TMEM71: variants seen among roughly 807,000 people sequenced by gnomAD.
TMEM71 encodes transmembrane protein 71.
Under a neutral mutation model 38.0 loss-of-function variants are expected in TMEM71, and 44 were observed. The observed-to-expected ratio is 1.16, with a 90% CI of 0.91 to 1.49. The LOEUF is 1.49. Among genes scored for constraint, TMEM71 ranks in the 40% most tolerant of loss-of-function variants. The pLI, the probability that TMEM71 is intolerant of heterozygous loss-of-function variation, is 0.00. For synonymous variants in TMEM71, 133 were observed against 122.5 expected, an observed-to-expected ratio of 1.09 and a Z score of -0.56; for missense variants, 367 against 348.6, an observed-to-expected ratio of 1.05 and a Z score of -0.42.
chr8:132,732,906 C>T (rs530561022), intron 5 of TMEM71, among the ~76,000 whole-genome samples: 2 of 152,180 alleles, frequency 1.3e-5, no homozygotes, highest in African/African-American at 4.8e-5. Context: ...TACCTGCCCA[C>T]GATACTGTGA....
chr8:132,758,868 T>C lies in TMEM71; in HGVS notation c.12A>G (p.Ile4Met). MYR[I>M]SQLMSTPVAS... Reference sequence around the variant, plus strand: ...CTACTGGTGTTGACATCAGTTGAGATATTCGGTACATCTTGGGAAGGCCGC... The same window carrying C: ...CTACTGGTGTTGACATCAGTTGAGACATTCGGTACATCTTGGGAAGGCCGC... Residue 4 changes from isoleucine to methionine, a missense_variant, in exon 2 of 10, where the codon ATA becomes ATG. Physicochemically the swap from Ile to Met is conservative, Grantham distance 10. Transcript: ENST00000677595. 2 of 1,613,880 alleles carry C rather than the reference T, an allele frequency of 1.2e-6. No individual in the cohort carries two copies. Among genetic ancestry groups the C allele is most frequent in the Non-Finnish European group, 1.7e-6 (2 of 1,179,840 alleles).
At chr8:132,756,991 A>G (rs1829054559) in intron 3 of TMEM71, among the ~76,000 whole-genome samples, 1 of 151,088 alleles carries the variant, frequency 6.6e-6, no homozygotes, top group African/African-American at 2.4e-5. Flanking sequence ...GATTCACGTC[A>G]TTCTCCCGCC....
intron 1 of TMEM71, chr8:132,759,231 T>A (rs1829195644): frequency 1.0e-5 from 2 of 191,536 alleles, no homozygotes; most frequent in African/African-American, 4.7e-5. Context: ...GAAAGTGAGG[T>A]ATTTGATTAA....
intron 6 of TMEM71, among the ~76,000 whole-genome samples, chr8:132,722,511 A>T (rs2131037793): frequency 6.6e-6 from 1 of 152,380 alleles, no homozygotes; most frequent in East Asian, 1.9e-4. Context: ...GAGCTTGTAT[A>T]CGTTAGTTCA....
At chr8:132,769,892 T>C in the TMEM71 span, among the ~76,000 whole-genome samples, 1 of 152,384 alleles carries the variant, frequency 6.6e-6, no homozygotes, top group East Asian at 1.9e-4. Flanking sequence ...AATAAATGAA[T>C]ATTGCATGCA....
chr8:132,746,882 G>T, intron 5 of TMEM71, 60 bp downstream of exon 5: 2 of 1,425,040 alleles, frequency 1.4e-6, no homozygotes, highest in South Asian at 3.0e-5. Context: ...GAGGACCACA[G>T]GGTTACCACT....
intron 3 of TMEM71, among the ~76,000 whole-genome samples, chr8:132,752,458 G>A (rs1442553450): frequency 1.3e-5 from 2 of 152,130 alleles, no homozygotes; most frequent in African/African-American, 4.8e-5. Flanking sequence ...TTTGGCCTTT[G>A]CAAATTTCCC....
At position 132,710,014 on chromosome 8, in the gene TMEM71, TAA is replaced by T. The variant is rs1194811878; in HGVS notation, c.*951_*952del. ...AAATGTACTAAATGCAAATTATATA[TAA>T]AGTTATATTTTGGCATTATCATTTC... is the stretch of plus-strand genomic sequence containing the variant. On this transcript the variant is annotated 3_prime_UTR_variant, in exon 10 of 10. Coordinates refer to ENST00000677595, the MANE Select transcript of TMEM71 (RefSeq NM_001382403.1). 6.6e-6 allele frequency: 1 copy of T among 152,176 alleles called. No individual in the cohort carries two copies. The highest frequency in any genetic ancestry group is 1.5e-5 in the Non-Finnish European group (1 of 68,036). The allele number at this position is 152,176 out of a possible 1,614,324, so 9.4% of individuals were successfully genotyped here.
chr8:132,725,708 A>G (rs1827106630), intron 6 of TMEM71, among the ~76,000 whole-genome samples: 1 of 152,220 alleles, frequency 6.6e-6, no homozygotes, highest in Non-Finnish European at 1.5e-5. Flanking sequence ...AACAGTTTCT[A>G]TAGTGATATA....
chr8:132,736,163 T>C (rs772775191), intron 5 of TMEM71, among the ~76,000 whole-genome samples: 1 of 152,208 alleles, frequency 6.6e-6, no homozygotes, highest in Non-Finnish European at 1.5e-5. Context: ...AACTTCTCTC[T>C]TACTGTGTGA....
At chr8:132,719,853 C>T (rs539574358) in intron 7 of TMEM71, among the ~76,000 whole-genome samples, 5 of 152,208 alleles carry the variant, frequency 3.3e-5, no homozygotes, top group African/African-American at 1.2e-4. Flanking sequence ...ATGATCTCAA[C>T]TCTACACTTC....
intron 5 of TMEM71, among the ~76,000 whole-genome samples, chr8:132,731,939 C>A (rs1827480736): frequency 6.6e-6 from 1 of 152,098 alleles, no homozygotes; most frequent in Non-Finnish European, 1.5e-5. Flanking sequence ...GGTGACATAC[C>A]CAGAGAAGAC....
intron 3 of TMEM71, among the ~76,000 whole-genome samples, 180 bp from the exon 4 acceptor site, chr8:132,752,177 C>T (rs191137312): frequency 2.6e-5 from 4 of 152,296 alleles, no homozygotes; most frequent in East Asian, 1.9e-4. Context: ...CCTATGACAG[C>T]GTTGAACTAC....
intron 7 of TMEM71, among the ~76,000 whole-genome samples, chr8:132,716,839 T>C (rs766324124): frequency 6.6e-6 from 1 of 152,232 alleles, no homozygotes; most frequent in Non-Finnish European, 1.5e-5. Flanking sequence ...TCTATCTCTA[T>C]GGCACTTCAC....
chr8:132,713,388 G>T (rs1826338702), intron 9 of TMEM71, among the ~76,000 whole-genome samples: 2 of 152,066 alleles, frequency 1.3e-5, no homozygotes, highest in Non-Finnish European at 1.5e-5. Context: ...TTGTAAGAGT[G>T]CCATGGTGAA....
chr8:132,727,319 C>T (rs541739921), intron 6 of TMEM71, among the ~76,000 whole-genome samples: 34 of 150,504 alleles, frequency 2.3e-4, no homozygotes, highest in African/African-American at 6.8e-4. Flanking sequence ...TGCAATGGCG[C>T]GATCTCAGCT....
At chr8:132,743,129 A>C (rs551027150) in intron 5 of TMEM71, among the ~76,000 whole-genome samples, 3 of 152,198 alleles carry the variant, frequency 2.0e-5, no homozygotes, top group South Asian at 4.2e-4. Context: ...ACACAGCCAA[A>C]CCGTATCATG....
chr8:132,727,923 G>C lies in TMEM71; in HGVS notation c.551C>G (p.Ser184Cys). ...GTGGCTGGAAGAGGAGGTGATCACA[G>C]ACTCTGCATTCATCTTCCCTGACTC... ...DWESGKMNAE[S>C]VITSSSSHII... The change falls in exon 6 of 10, where the codon TCT (serine) becomes TGT (cysteine). Residue 184 changes from serine to cysteine, a missense_variant. Transcript: ENST00000677595. The C allele has an allele frequency of 6.2e-7, 1 of 1,614,084 alleles. No individual in the cohort carries two copies. Among genetic ancestry groups the C allele is most frequent in the East Asian group, 2.2e-5 (1 of 44,870 alleles).
At chr8:132,709,167 G>C (rs534677533), downstream of TMEM71, among the ~76,000 whole-genome samples, 1 of 152,264 alleles carries the variant, frequency 6.6e-6, no homozygotes, top group Non-Finnish European at 1.5e-5. Flanking sequence ...CATAGACAAA[G>C]GAAATGTAGA....
Sources: allele counts gnomAD v4.1 joint callset (sites outside exome capture counted in the v4.1 genomes callset), GRCh38; gene constraint gnomAD v4.1.1; transcripts MANE v1.5; gene names NCBI Gene and HGNC (gene_info 2026-07-23, HGNC 2026-07-21).